The following STK32B variants were observed in gnomAD, a reference collection of about 807,000 sequenced individuals.
STK32B encodes serine/threonine kinase 32B, also known as serine/threonine-protein kinase 32B.
STK32B carries 43 observed loss-of-function variants against 52.6 expected under a neutral mutation model. The ratio of observed to expected loss-of-function variants is 0.82; its 90% CI spans 0.64 to 1.05. The LOEUF is 1.05. STK32B is among the 50% of genes least tolerant of loss of function. The probability of loss-of-function intolerance (pLI) is 0.00; values close to 1 mark genes in which losing one functional copy is unlikely to be tolerated. For missense variants in STK32B, 621 were observed against 534.6 expected (o/e 1.16, Z -1.59); for synonymous variants, 238 against 204.3 (o/e 1.17, Z -1.41).
intron 3 of STK32B, among the ~76,000 whole-genome samples, chr4:5,223,977 A>G (rs1723704324): frequency 6.6e-6 from 1 of 151,940 alleles, no homozygotes; most frequent in Admixed American, 6.6e-5. Context: ...CCACCATTGT[A>G]TTTTGTAAGC....
At chr4:5,302,933 C>A (rs576833869) in intron 3 of STK32B, among the ~76,000 whole-genome samples, 1 of 151,928 alleles carries the variant, frequency 6.6e-6, no homozygotes, top group Admixed American at 6.6e-5. Context: ...TGCCACTATT[C>A]CATTTCTTTT....
intron 3 of STK32B, among the ~76,000 whole-genome samples, chr4:5,195,109 G>T (rs1218767496): frequency 6.6e-6 from 1 of 152,058 alleles, no homozygotes; most frequent in Non-Finnish European, 1.5e-5. Flanking sequence ...GTCTCATTCT[G>T]TTTTTTCAGG....
At position 5,460,981 on chromosome 4, in the gene STK32B, G is replaced by T. The variant is rs1259638390; in HGVS notation, c.909+753G>T. Among the ~76,000 whole-genome samples, 1 of 152,154 alleles carries T rather than the reference G, an allele frequency of 6.6e-6. No homozygotes were observed. The highest frequency in any genetic ancestry group is 1.5e-5 in the Non-Finnish European group (1 of 68,026). The stretch of plus-strand genomic sequence containing the variant: ...GATTTACATTTTAAAGGAGGGTTCT[G>T]GCAGGAGCTGGAGGCTCCTGGGTCC... On this transcript the variant is annotated intron_variant, in intron 9 of 11. Transcript: ENST00000282908. This position sits in a 1 kb window ranked among gnomAD's most constrained non-coding sequence, Gnocchi z 4.8.
chr4:5,146,122 C>T (rs904514729), intron 2 of STK32B, among the ~76,000 whole-genome samples: 42 of 147,872 alleles, frequency 2.8e-4, no homozygotes, highest in Admixed American at 1.7e-3. Context: ...GGATTGTGTA[C>T]GACGATTGTC....
chr4:5,219,598 A>T (rs568870548), intron 3 of STK32B, among the ~76,000 whole-genome samples: 1 of 152,334 alleles, frequency 6.6e-6, no homozygotes, highest in Middle Eastern at 3.4e-3. Flanking sequence ...CCAACTTCCG[A>T]GCTGATCCTC....
chr4:5,201,904 C>T (rs2108776298), intron 3 of STK32B, among the ~76,000 whole-genome samples: 1 of 152,298 alleles, frequency 6.6e-6, no homozygotes, highest in East Asian at 1.9e-4. Flanking sequence ...GGTGGGGTCA[C>T]AGAGCCAAAC....
At chr4:5,020,135 C>T in the STK32B span, among the ~76,000 whole-genome samples, 3 of 152,210 alleles carry the variant, frequency 2.0e-5, no homozygotes, top group Non-Finnish European at 2.9e-5. Flanking sequence ...GCTCCCAGCA[C>T]AGGCCCCGAG....
intron 11 of STK32B, among the ~76,000 whole-genome samples, chr4:5,478,075 A>G (rs1718380230): frequency 6.6e-6 from 1 of 152,202 alleles, no homozygotes; most frequent in African/African-American, 2.4e-5. Context: ...GGGGAAGAGC[A>G]GAGTTCTGCA....
intron 3 of STK32B, among the ~76,000 whole-genome samples, chr4:5,307,274 T>G (rs1243584288): frequency 6.6e-6 from 1 of 152,156 alleles, no homozygotes; most frequent in African/African-American, 2.4e-5. Context: ...GAAACAAAAA[T>G]TATTCTTAGA....
upstream of STK32B, among the ~76,000 whole-genome samples, chr4:5,047,347 G>A (rs1741640119): frequency 1.3e-5 from 2 of 151,948 alleles, no homozygotes; most frequent in Admixed American, 6.6e-5. Context: ...GGGGGGTGGG[G>A]GATGAGGGGA....
At chr4:5,179,070 G>A (rs1720147948) in intron 3 of STK32B, among the ~76,000 whole-genome samples, 1 of 152,228 alleles carries the variant, frequency 6.6e-6, no homozygotes, top group Non-Finnish European at 1.5e-5. Flanking sequence ...AAGACAAGAG[G>A]TTTAACTTAC....
Position 5,469,411 on chromosome 4 carries a change from G to A in STK32B, c.1106+1341G>A, listed in dbSNP as rs1446141268. Among the ~76,000 whole-genome samples the A allele has an allele frequency of 2.0e-5, 3 of 152,196 alleles. No homozygotes were observed. The highest frequency in any genetic ancestry group is 4.4e-5 in the Non-Finnish European group (3 of 68,030). Reference sequence around the variant, plus strand: ...GGAAGTTCTCTAGGTGGCGTGCTGGGCCAAGTCCTAAGGGACATGTAGGGG... The same window carrying A: ...GGAAGTTCTCTAGGTGGCGTGCTGGACCAAGTCCTAAGGGACATGTAGGGG... On this transcript the variant is annotated intron_variant, in intron 11 of 11. Transcript: ENST00000282908. This position sits in a 1 kb window ranked among gnomAD's most constrained non-coding sequence, Gnocchi z 4.7.
chr4:5,191,869 A>G (rs1306840968), intron 3 of STK32B, among the ~76,000 whole-genome samples: 2 of 152,194 alleles, frequency 1.3e-5, no homozygotes, highest in African/African-American at 4.8e-5. Flanking sequence ...CCTATTCCAA[A>G]TCCATATTAA....
rs1737124917 is a variant in STK32B at position 5,399,198 on chromosome 4, G to C, written c.472+954G>C. ...GCCCGTCTCTCAGGGCCTAACATGG[G>C]GTTGGCTGGAGGGAGCAGGTGCGAA... On this transcript the variant is annotated intron_variant, in intron 5 of 11. Transcript: ENST00000282908. This position sits in a 1 kb window ranked among gnomAD's most constrained non-coding sequence, Gnocchi z 5.4. Among the ~76,000 whole-genome samples, 1 of 150,696 alleles carries C rather than the reference G, an allele frequency of 6.6e-6. No individual in the cohort carries two copies. Among genetic ancestry groups the C allele is most frequent in the East Asian group, 1.9e-4 (1 of 5,180 alleles).
intron 4 of STK32B, among the ~76,000 whole-genome samples, chr4:5,333,756 T>C (rs1387874190): frequency 1.3e-5 from 2 of 152,204 alleles, no homozygotes; most frequent in Non-Finnish European, 2.9e-5. Context: ...TTGCTTGTTT[T>C]TCTCAGGTTT....
At chr4:5,195,463 C>G (rs1469966677) in intron 3 of STK32B, among the ~76,000 whole-genome samples, 1 of 152,148 alleles carries the variant, frequency 6.6e-6, no homozygotes, top group East Asian at 1.9e-4. Flanking sequence ...GAGGCCAAGG[C>G]AGGCAGATCA....
At chr4:5,406,300 T>C (rs1159481558) in intron 5 of STK32B, among the ~76,000 whole-genome samples, 2 of 152,202 alleles carry the variant, frequency 1.3e-5, no homozygotes, top group Non-Finnish European at 2.9e-5. Context: ...CTCGGCTGCC[T>C]TCACAGGTTG....
intron 3 of STK32B, among the ~76,000 whole-genome samples, chr4:5,299,013 G>T (rs1729385928): frequency 6.6e-6 from 1 of 151,936 alleles, no homozygotes; most frequent in South Asian, 2.1e-4. Flanking sequence ...GTCGCTCACG[G>T]CACAGTCCCT....
intron 3 of STK32B, among the ~76,000 whole-genome samples, chr4:5,258,910 C>T (rs747917616): frequency 6.6e-6 from 1 of 152,216 alleles, no homozygotes; most frequent in Non-Finnish European, 1.5e-5. Flanking sequence ...GTCTATGAGG[C>T]TCCATGTGGT....
Sources: allele counts gnomAD v4.1 joint callset (sites outside exome capture counted in the v4.1 genomes callset), GRCh38; gene constraint gnomAD v4.1.1; non-coding constraint Gnocchi (gnomAD v3.1); transcripts MANE v1.5; gene names NCBI Gene and HGNC (gene_info 2026-07-23, HGNC 2026-07-21).